Variants in CNTNAP5 observed in about 807,000 individuals in gnomAD.
CNTNAP5 encodes contactin associated protein family member 5.
In CNTNAP5, 72 loss-of-function variants were observed where a neutral mutation model predicts 150.2. The ratio of observed to expected loss-of-function variants is 0.48; its 90% CI spans 0.40 to 0.58. The LOEUF (loss-of-function observed/expected upper bound fraction) is 0.58. Among genes scored for constraint, CNTNAP5 ranks in the 20% least tolerant of loss-of-function variants. The pLI, the probability that CNTNAP5 is intolerant of heterozygous loss-of-function variation, is 0.00. For missense variants in CNTNAP5, 1,636 were observed against 1,626.2 expected (o/e 1.01, Z -0.10); for synonymous variants, 672 against 619.8 (o/e 1.08, Z -1.25).
At chr2:124,773,128 CAT>C in intron 17 of CNTNAP5, 111 bp downstream of exon 17, 1 of 791,098 alleles carries the variant, frequency 1.3e-6, no homozygotes, top group East Asian at 2.5e-5. Context: ...ATCAAAATGT[CAT>C]AAATCATTTC....
intron 14 of CNTNAP5, among the ~76,000 whole-genome samples, chr2:124,753,431 A>T (rs146756645): frequency 0.011 from 1,722 of 152,352 alleles, 31 homozygotes; most frequent in African/African-American, 0.039. Context: ...GGCCATAGCC[A>T]TGATAGAATT....
At chr2:124,427,729 T>G (rs760413463) in intron 4 of CNTNAP5, among the ~76,000 whole-genome samples, 2 of 152,136 alleles carry the variant, frequency 1.3e-5, no homozygotes, top group African/African-American at 2.4e-5. Flanking sequence ...AGTGTTGGGA[T>G]TACAGGTGTG....
At position 124,789,953 on chromosome 2, in the gene CNTNAP5, A is replaced by G; in HGVS notation, c.2804A>G (p.His935Arg). 6.2e-7 allele frequency: 1 copy of G among 1,613,868 alleles called. No homozygotes were observed. The highest frequency in any genetic ancestry group is 8.5e-7 in the Non-Finnish European group (1 of 1,179,824). Reference protein sequence around the residue: ...KGFLGCIRSLHLNGQKMDLEE... With the variant: ...KGFLGCIRSLRLNGQKMDLEE... Reference sequence around the variant, plus strand: ...TTCCTAGGATGCATTCGCTCCTTACACTTGAATGGACAGAAAATGGACCTG... The same window carrying G: ...TTCCTAGGATGCATTCGCTCCTTACGCTTGAATGGACAGAAAATGGACCTG... Residue 935 changes from histidine to arginine, a missense_variant, in exon 18 of 24, where the codon CAC (histidine) becomes CGC (arginine). Physicochemically the swap from His to Arg is conservative, Grantham distance 29. Coordinates refer to ENST00000682447, the MANE Select transcript of CNTNAP5 (RefSeq NM_001367498.1).
chr2:124,502,589 A>T (rs1397077339), intron 7 of CNTNAP5, among the ~76,000 whole-genome samples: 4 of 152,202 alleles, frequency 2.6e-5, no homozygotes, highest in African/African-American at 9.6e-5. Context: ...GGAAAGGAAA[A>T]GATAAATAAA....
At chr2:124,397,833 G>A (rs1260888596) in intron 3 of CNTNAP5, among the ~76,000 whole-genome samples, 1 of 152,126 alleles carries the variant, frequency 6.6e-6, no homozygotes, top group African/African-American at 2.4e-5. Context: ...CAGCGATCCA[G>A]TGACACTTCT....
At chr2:124,872,021 T>C (rs1677759829) in intron 21 of CNTNAP5, among the ~76,000 whole-genome samples, 1 of 152,078 alleles carries the variant, frequency 6.6e-6, no homozygotes, top group Admixed American at 6.6e-5. Context: ...TTTTTATAGC[T>C]TTCATTCTTT....
intron 3 of CNTNAP5, among the ~76,000 whole-genome samples, chr2:124,323,981 G>A (rs1429752689): frequency 6.6e-6 from 1 of 151,964 alleles, no homozygotes; most frequent in Non-Finnish European, 1.5e-5. Flanking sequence ...TTTGTGTTAG[G>A]TTCTGGGAGT....
At chr2:124,379,404 C>T (rs1372392242) in intron 3 of CNTNAP5, among the ~76,000 whole-genome samples, 1 of 152,056 alleles carries the variant, frequency 6.6e-6, no homozygotes, top group Non-Finnish European at 1.5e-5. Flanking sequence ...CTTTTTCATA[C>T]AATATGTATC....
At chr2:124,891,806 A>AAT (rs1678201150) in intron 21 of CNTNAP5, among the ~76,000 whole-genome samples, 1 of 152,186 alleles carries the variant, frequency 6.6e-6, no homozygotes, top group Non-Finnish European at 1.5e-5. Flanking sequence ...TTGAGGAAGT[A>AAT]ATATTCCCAA....
chr2:124,686,296 G>A (rs17011869), intron 13 of CNTNAP5, among the ~76,000 whole-genome samples: 35,900 of 152,006 alleles, frequency 0.24, 4,745 homozygotes, highest in African/African-American at 0.36. Flanking sequence ...GAGGAGTGGA[G>A]TAAAGAAGGC....
At chr2:124,813,167 C>T (rs929397049) in intron 19 of CNTNAP5, among the ~76,000 whole-genome samples, 1 of 151,014 alleles carries the variant, frequency 6.6e-6, no homozygotes, top group African/African-American at 2.4e-5. Flanking sequence ...AGCTCCACCT[C>T]CTGGGTTCAC....
intron 12 of CNTNAP5, among the ~76,000 whole-genome samples, chr2:124,616,007 A>G (rs1286491246): frequency 6.6e-6 from 1 of 152,160 alleles, no homozygotes; most frequent in Non-Finnish European, 1.5e-5. Flanking sequence ...TCAGTAAACC[A>G]TGCTGTCAAC....
chr2:124,722,561 C>T (rs932441668), intron 13 of CNTNAP5, among the ~76,000 whole-genome samples: 2 of 152,140 alleles, frequency 1.3e-5, no homozygotes, highest in Admixed American at 6.5e-5. Context: ...GCTCATCCTC[C>T]AGGCCTGCTG....
At chr2:124,155,442 G>A (rs537812600) in intron 1 of CNTNAP5, among the ~76,000 whole-genome samples, 14 of 151,318 alleles carry the variant, frequency 9.3e-5, no homozygotes, top group African/African-American at 3.1e-4. Flanking sequence ...AATGAATAGC[G>A]TGTGTGTGTG....
chr2:124,916,757 T>C lies in CNTNAP5; in HGVS notation c.*2469T>C, dbSNP rs150201164. 6.6e-6 allele frequency among the ~76,000 whole-genome samples: 1 copy of C among 152,158 alleles called. No homozygotes were observed. Among genetic ancestry groups the C allele is most frequent in the Non-Finnish European group, 1.5e-5 (1 of 67,972 alleles). ...TCAACTGGCATCTTCCTCACGTGTG[T>C]AGACTCCATGCACACTACATACCAC... On this transcript the variant is annotated 3_prime_UTR_variant, in exon 24 of 24. Coordinates refer to ENST00000682447, the MANE Select transcript of CNTNAP5 (RefSeq NM_001367498.1).
chr2:124,377,315 C>T (rs989736415), intron 3 of CNTNAP5, among the ~76,000 whole-genome samples: 2 of 152,190 alleles, frequency 1.3e-5, no homozygotes, highest in African/African-American at 2.4e-5. Flanking sequence ...ATGGGTCACT[C>T]TTTGCCTAAG....
intron 1 of CNTNAP5, among the ~76,000 whole-genome samples, chr2:124,178,861 T>A (rs1442583098): frequency 6.6e-6 from 1 of 152,094 alleles, no homozygotes; most frequent in African/African-American, 2.4e-5. Context: ...CAGCAATAGT[T>A]TGAATATGAA....
chr2:124,752,225 T>A (rs1268270987), intron 14 of CNTNAP5, among the ~76,000 whole-genome samples: 1 of 152,086 alleles, frequency 6.6e-6, no homozygotes, highest in Admixed American at 6.6e-5. Flanking sequence ...TTTGTTTTGT[T>A]TTATTATTTT....
At chr2:124,413,280 G>T (rs144304143) in intron 3 of CNTNAP5, among the ~76,000 whole-genome samples, 1 of 150,300 alleles carries the variant, frequency 6.7e-6, no homozygotes, top group Non-Finnish European at 1.5e-5. Context: ...TACACTGTTG[G>T]TGGGACTGTA....
Sources: allele counts gnomAD v4.1 joint callset (sites outside exome capture counted in the v4.1 genomes callset), GRCh38; gene constraint gnomAD v4.1.1; transcripts MANE v1.5; gene names NCBI Gene and HGNC (gene_info 2026-07-23, HGNC 2026-07-21).